KCNQ5: variants seen among roughly 807,000 people sequenced by gnomAD.
The protein encoded by KCNQ5 is potassium voltage-gated channel subfamily Q member 5.
Under a neutral mutation model 98.2 loss-of-function variants are expected in KCNQ5, and 30 were observed. The ratio of observed to expected loss-of-function variants is 0.31; its 90% CI spans 0.23 to 0.41. KCNQ5 has a LOEUF of 0.41. KCNQ5 is among the 10% of genes least tolerant of loss of function. The probability of loss-of-function intolerance (pLI) is 1.00; values close to 1 mark genes in which losing one functional copy is unlikely to be tolerated. For missense variants in KCNQ5, 835 were observed against 1,182.5 expected (o/e 0.71, Z 4.31); for synonymous variants, 458 against 449.4 (o/e 1.02, Z -0.24).
At chr6:73,013,310 T>C (rs1220340190) in intron 2 of KCNQ5, among the ~76,000 whole-genome samples, 1 of 152,128 alleles carries the variant, frequency 6.6e-6, no homozygotes, top group Admixed American at 6.6e-5. Flanking sequence ...TGTGGCTTTA[T>C]ATCTCTTCTC....
intron 1 of KCNQ5, among the ~76,000 whole-genome samples, chr6:72,784,773 AT>A (rs1460712488): frequency 3.9e-5 from 6 of 152,144 alleles, no homozygotes; most frequent in African/African-American, 1.4e-4. Context: ...TCCTACCCAT[AT>A]CCCTTTGGCC....
At chr6:72,808,745 G>A (rs1460120450) in intron 1 of KCNQ5, among the ~76,000 whole-genome samples, 2 of 151,836 alleles carry the variant, frequency 1.3e-5, no homozygotes, top group East Asian at 1.9e-4. Flanking sequence ...TCAGGGGTTC[G>A]AGACCAGTCT....
At chr6:72,840,603 A>G (rs1317408183) in intron 1 of KCNQ5, among the ~76,000 whole-genome samples, 1 of 151,704 alleles carries the variant, frequency 6.6e-6, no homozygotes, top group Admixed American at 6.6e-5. Context: ...ACTTTTGTTC[A>G]CTCTCCAAGC....
chr6:72,753,336 G>T (rs907301101), intron 1 of KCNQ5, among the ~76,000 whole-genome samples: 1 of 151,928 alleles, frequency 6.6e-6, no homozygotes, highest in Non-Finnish European at 1.5e-5. Context: ...TACCATAAAA[G>T]GATAATTTGT....
chr6:72,741,891 A>G (rs961430419), intron 1 of KCNQ5, among the ~76,000 whole-genome samples: 1 of 152,204 alleles, frequency 6.6e-6, no homozygotes, highest in African/African-American at 2.4e-5. Flanking sequence ...AAGCAGACAA[A>G]CCTAACTCCA....
rs150302880 is a variant in KCNQ5, at chr6:72,828,337, A to G, written c.399-175571A>G. Among the ~76,000 whole-genome samples, 50 of 152,298 alleles carry G rather than the reference A, an allele frequency of 3.3e-4. No homozygotes were observed. In the East Asian group the frequency reaches 9.6e-3, roughly 29 times the overall value. ...ATTGGGTAGAATTGTCATTTCAACAATATTAATTCTTCTAATCCATGACCA... is the reference window on the plus strand; with the variant it reads ...ATTGGGTAGAATTGTCATTTCAACAGTATTAATTCTTCTAATCCATGACCA... On this transcript the variant is annotated intron_variant, in intron 1 of 13. Coordinates refer to ENST00000370398, the MANE Select transcript of KCNQ5 (RefSeq NM_019842.4).
intron 3 of KCNQ5, chr6:73,055,377 G>A (rs1313813328): frequency 1.4e-6 from 2 of 1,477,810 alleles, no homozygotes; most frequent in Non-Finnish European, 1.9e-6. Context: ...GCTCTAGCCG[G>A]TCTCAATAAA....
chr6:72,855,303 TAAA>T (rs3035182), intron 1 of KCNQ5, among the ~76,000 whole-genome samples: 6 of 150,240 alleles, frequency 4.0e-5, no homozygotes, highest in African/African-American at 4.9e-5. Flanking sequence ...ACTAGATACT[TAAA>T]AAAAAAAAAG....
intron 1 of KCNQ5, among the ~76,000 whole-genome samples, chr6:72,802,671 G>A (rs1303442669): frequency 1.3e-5 from 2 of 152,074 alleles, no homozygotes; most frequent in East Asian, 3.9e-4. Context: ...AATCAAAGTA[G>A]TTGGTTTAGA....
Position 73,197,670 on chromosome 6 carries a change from T to A in KCNQ5, c.*2256T>A, listed in dbSNP as rs1765848064. The A allele has an allele frequency of 7.0e-6, 1 of 142,166 alleles. No individual in the cohort carries two copies. Among genetic ancestry groups the A allele is most frequent in the Non-Finnish European group, 1.5e-5 (1 of 66,184 alleles). 8.8% of individuals were successfully genotyped at this position (142,166 alleles called of 1,614,324 possible). A position where few individuals can be genotyped will look rare whatever the true frequency, so the allele number is the denominator to read the frequency against. ...CTCCACTGACCTAAAGCCAGACACC[T>A]GCCGTGACTGGGCAGGCTCTCTCCC... On this transcript the variant is annotated 3_prime_UTR_variant, in exon 14 of 14. Coordinates refer to ENST00000370398, the MANE Select transcript of KCNQ5 (RefSeq NM_019842.4).
chr6:73,055,790 T>A, intron 3 of KCNQ5: 1 of 883,418 alleles, frequency 1.1e-6, no homozygotes, highest in Non-Finnish European at 1.9e-6. Context: ...ACGCAGTTCC[T>A]AGGGGATGAA....
At chr6:72,758,821 A>C (rs1318006681) in intron 1 of KCNQ5, among the ~76,000 whole-genome samples, 1 of 152,166 alleles carries the variant, frequency 6.6e-6, no homozygotes, top group Non-Finnish European at 1.5e-5. Context: ...ATAGTAAGTT[A>C]TGTGTCTGTA....
At chr6:72,635,862 A>G (rs1415078890) in intron 1 of KCNQ5, among the ~76,000 whole-genome samples, 2 of 151,644 alleles carry the variant, frequency 1.3e-5, no homozygotes, top group Non-Finnish European at 2.9e-5. Context: ...TACCTAATTT[A>G]CATATTGCTC....
At chr6:72,819,396 A>G (rs1775649825) in intron 1 of KCNQ5, among the ~76,000 whole-genome samples, 1 of 152,202 alleles carries the variant, frequency 6.6e-6, no homozygotes, top group African/African-American at 2.4e-5. Flanking sequence ...AAAAATCAAC[A>G]TATCGATGAA....
intron 1 of KCNQ5, among the ~76,000 whole-genome samples, chr6:72,683,814 A>T (rs1767824713): frequency 6.6e-6 from 1 of 152,164 alleles, no homozygotes; most frequent in Non-Finnish European, 1.5e-5. Flanking sequence ...GTTATGATGA[A>T]TAAAGTAATT....
intron 5 of KCNQ5, among the ~76,000 whole-genome samples, chr6:73,099,743 A>G (rs1172636185): frequency 6.6e-6 from 1 of 152,220 alleles, no homozygotes; most frequent in Non-Finnish European, 1.5e-5. Flanking sequence ...GGAAACGTCA[A>G]CACCCAACTT....
At chr6:72,882,481 T>C (rs943564483) in intron 1 of KCNQ5, among the ~76,000 whole-genome samples, 2 of 152,004 alleles carry the variant, frequency 1.3e-5, no homozygotes, top group East Asian at 1.9e-4. Context: ...TAAGATACCA[T>C]AAAAATAAAA....
At chr6:72,908,725 C>G (rs968192190) in intron 1 of KCNQ5, among the ~76,000 whole-genome samples, 56 of 152,050 alleles carry the variant, frequency 3.7e-4, no homozygotes, top group African/African-American at 1.3e-3. Context: ...ACCAGGATAT[C>G]AAAGAAATGG....
intron 11 of KCNQ5, among the ~76,000 whole-genome samples, chr6:73,177,639 T>C (rs1227245225): frequency 6.6e-6 from 1 of 152,248 alleles, no homozygotes; most frequent in Non-Finnish European, 1.5e-5. Flanking sequence ...TTGTTAAATC[T>C]ACAAGCTGTT....
Sources: allele counts gnomAD v4.1 joint callset (sites outside exome capture counted in the v4.1 genomes callset), GRCh38; gene constraint gnomAD v4.1.1; transcripts MANE v1.5; gene names NCBI Gene and HGNC (gene_info 2026-07-23, HGNC 2026-07-21).